ANXA13: variants seen among roughly 807,000 people sequenced by gnomAD.
The protein encoded by ANXA13 is annexin A13, also known as annexin XIII.
In ANXA13, 36 loss-of-function variants were observed where a neutral mutation model predicts 46.6. That is an observed-to-expected ratio of 0.77 (90% CI 0.59 to 1.02). ANXA13 has a LOEUF of 1.02. ANXA13 is among the 50% of genes least tolerant of loss of function. The probability of loss-of-function intolerance (pLI) is 0.00; values close to 1 mark genes in which losing one functional copy is unlikely to be tolerated. For missense variants in ANXA13, 417 were observed against 396.5 expected (o/e 1.05, Z -0.44); for synonymous variants, 163 against 152.9 (o/e 1.07, Z -0.49).
chr8:123,695,709 T>C lies in ANXA13; in HGVS notation c.370A>G (p.Ile124Val), dbSNP rs762741755. The change falls in exon 5 of 11, where the codon ATT becomes GTT. Residue 124 changes from isoleucine (I) to valine (V), a missense_variant. Transcript: ENST00000419625. ...TTACGCCTTTGGTAGGCCTCTTTAA[T>C]GGCGATGATTTCCTAGGGAAGGTAA... ...CTRTNKEIIA[I>V]KEAYQRLFDR... is the part of the protein sequence containing the mutation. The C allele has an allele frequency of 8.7e-6, 14 of 1,613,500 alleles. No homozygotes were observed. The Admixed American group carries it at 2.3e-4, about 27-fold the overall frequency.
intron 1 of ANXA13, among the ~76,000 whole-genome samples, chr8:123,721,640 C>A (rs1477145521): frequency 1.3e-5 from 2 of 152,090 alleles, no homozygotes; most frequent in Non-Finnish European, 2.9e-5. Context: ...TGACTGTTTA[C>A]AAAAGCTTGT....
intron 8 of ANXA13, among the ~76,000 whole-genome samples, chr8:123,692,636 A>G (rs1813262769): frequency 6.6e-6 from 1 of 152,210 alleles, no homozygotes; most frequent in South Asian, 2.1e-4. Flanking sequence ...AGCCAACTGT[A>G]AACTGGAGTA....
chr8:123,696,098 TAC>T (rs1813331723), intron 4 of ANXA13, among the ~76,000 whole-genome samples: 1 of 152,076 alleles, frequency 6.6e-6, no homozygotes, highest in South Asian at 2.1e-4. Context: ...ATCAGAAAGA[TAC>T]ACAGATTTTT....
At chr8:123,684,540 T>C in intron 10 of ANXA13, 70 bp downstream of exon 10, 2 of 1,072,774 alleles carry the variant, frequency 1.9e-6, no homozygotes, top group Non-Finnish European at 1.4e-6. Context: ...TAGAAACTAT[T>C]TGTTGATGAC....
intron 1 of ANXA13, among the ~76,000 whole-genome samples, chr8:123,714,413 C>T (rs894564020): frequency 6.6e-6 from 1 of 152,146 alleles, no homozygotes; most frequent in Non-Finnish European, 1.5e-5. Flanking sequence ...AGTGAAAGTG[C>T]GTGAGTCTAG....
At chr8:123,725,449 C>T (rs1813964892) in intron 1 of ANXA13, among the ~76,000 whole-genome samples, 1 of 152,214 alleles carries the variant, frequency 6.6e-6, no homozygotes, top group Non-Finnish European at 1.5e-5. Flanking sequence ...ACCGGTTACT[C>T]ATTTGCACTT....
At chr8:123,707,191 T>C (rs1321356196) in intron 2 of ANXA13, among the ~76,000 whole-genome samples, 2 of 152,162 alleles carry the variant, frequency 1.3e-5, no homozygotes, top group African/African-American at 2.4e-5. Context: ...AATGAATTGA[T>C]GGGTGAATGA....
At chr8:123,683,962 C>T (rs1047199433) in intron 10 of ANXA13, among the ~76,000 whole-genome samples, 15 of 152,110 alleles carry the variant, frequency 9.9e-5, no homozygotes, top group South Asian at 2.1e-4. Context: ...ACACATTCTC[C>T]GAGAGCAAGC....
At chr8:123,682,926 T>C (rs1021670300) in intron 10 of ANXA13, among the ~76,000 whole-genome samples, 2 of 152,072 alleles carry the variant, frequency 1.3e-5, no homozygotes. Context: ...CATGTCGGAG[T>C]GATCACGGAA....
chr8:123,736,847 C>CTTTTTTTTTTTTTTTTTTTT, intron 1 of ANXA13, among the ~76,000 whole-genome samples: 1 of 113,458 alleles, frequency 8.8e-6, no homozygotes, highest in Non-Finnish European at 1.7e-5. Flanking sequence ...ATCCCCAGTG[C>CTTTTTTTTTTTTTTTTTTTT]TTTTTTTTTT....
chr8:123,692,521 G>A (rs1047476289), intron 8 of ANXA13, among the ~76,000 whole-genome samples: 11 of 152,178 alleles, frequency 7.2e-5, no homozygotes, highest in African/African-American at 2.7e-4. Flanking sequence ...AACTCGCTTT[G>A]TGGGCTTAAA....
chr8:123,720,871 G>A (rs986655526), intron 1 of ANXA13, among the ~76,000 whole-genome samples: 1 of 152,058 alleles, frequency 6.6e-6, no homozygotes, highest in Non-Finnish European at 1.5e-5. Context: ...TAAGTATTAG[G>A]ATTACAGGCA....
chr8:123,730,502 C>T (rs951359938), intron 1 of ANXA13, among the ~76,000 whole-genome samples: 1 of 152,132 alleles, frequency 6.6e-6, no homozygotes, highest in Non-Finnish European at 1.5e-5. Context: ...ATCTAATTTC[C>T]TTAGTGTCGT....
chr8:123,732,037 G>T (rs951951889), intron 1 of ANXA13, among the ~76,000 whole-genome samples: 3 of 152,142 alleles, frequency 2.0e-5, no homozygotes, highest in Non-Finnish European at 4.4e-5. Flanking sequence ...AAGAGATGAC[G>T]AGGTGATGAT....
chr8:123,705,685 G>C (rs1221588559), intron 2 of ANXA13, among the ~76,000 whole-genome samples: 1 of 152,194 alleles, frequency 6.6e-6, no homozygotes, highest in African/African-American at 2.4e-5. Context: ...TGTGGACCTA[G>C]ATGATGGCTG....
At position 123,709,403 on chromosome 8, in the gene ANXA13, TTC is replaced by T. The variant is rs1005965161; in HGVS notation, c.91+3273_91+3274del. Among the ~76,000 whole-genome samples, 9 of 151,102 alleles carry T rather than the reference TTC, an allele frequency of 6.0e-5. No homozygotes were observed. The South Asian group carries it at 6.3e-4, about 11-fold the overall frequency. On this transcript the variant is annotated intron_variant, in intron 2 of 10. Coordinates refer to ENST00000419625, the MANE Select transcript of ANXA13 (RefSeq NM_004306.4). ...CCTTCACTCTCTCCCTCCCTCTCTC[TTC>T]TCTCTTTCTCTTCTCTCTCCCTATC...
At chr8:123,699,502 G>A (rs1323500283) in intron 3 of ANXA13, among the ~76,000 whole-genome samples, 1 of 152,180 alleles carries the variant, frequency 6.6e-6, no homozygotes, top group Non-Finnish European at 1.5e-5. Flanking sequence ...ATTCTGACAA[G>A]CACCTGTCTT....
At chr8:123,683,584 C>CTTTTT (rs5894671) in intron 10 of ANXA13, among the ~76,000 whole-genome samples, 1 of 100,822 alleles carries the variant, frequency 9.9e-6, no homozygotes. Context: ...TAGCTGTGAC[C>CTTTTT]TTTTTTTTTT....
chr8:123,700,132 G>A lies in ANXA13; in HGVS notation c.187-1573C>T, dbSNP rs563187596. Among the ~76,000 whole-genome samples the A allele has an allele frequency of 5.3e-5, 8 of 152,264 alleles. No individual in the cohort carries two copies. The East Asian group carries it at 5.8e-4, about 11-fold the overall frequency. On this transcript the variant is annotated intron_variant, in intron 3 of 10. Coordinates refer to ENST00000419625, the MANE Select transcript of ANXA13 (RefSeq NM_004306.4). ...AAGGGGGCTGTTATATTATGCCTCCGCCCCACAGTGGCTGCTCCAGCCAAC... is the reference window on the plus strand; with the variant it reads ...AAGGGGGCTGTTATATTATGCCTCCACCCCACAGTGGCTGCTCCAGCCAAC...
Sources: gnomAD v4.1 joint callset for allele counts (sites outside exome capture counted in the v4.1 genomes callset) on GRCh38, gnomAD v4.1.1 for gene constraint, MANE v1.5 for transcripts, NCBI Gene and HGNC (gene_info 2026-07-23, HGNC 2026-07-21) for gene names.